Variants in DIP2B observed in about 807,000 individuals in gnomAD.
DIP2B encodes the protein DIP2 acetate--CoA ligase B (putative), also known as disco-interacting protein 2 homolog B.
Under a neutral mutation model 198.0 loss-of-function variants are expected in DIP2B, and 76 were observed. The observed-to-expected ratio is 0.38, with a 90% CI of 0.32 to 0.46. The LOEUF (loss-of-function observed/expected upper bound fraction) is 0.46, where lower values mean the gene tolerates loss of function less well. Among genes scored for constraint, DIP2B ranks in the 20% least tolerant of loss-of-function variants. The pLI, the probability that DIP2B is intolerant of heterozygous loss-of-function variation, is 0.99. For missense variants in DIP2B, 1,559 were observed against 1,978.4 expected, an observed-to-expected ratio of 0.79 and a Z score of 4.02; for synonymous variants, 701 against 739.1, an observed-to-expected ratio of 0.95 and a Z score of 0.84.
At chr12:50,569,076 T>C (rs1203476760) in intron 1 of DIP2B, among the ~76,000 whole-genome samples, 1 of 151,718 alleles carries the variant, frequency 6.6e-6, no homozygotes, top group Non-Finnish European at 1.5e-5. Context: ...GCTTTTCCAG[T>C]GGAATTTCTT....
intron 1 of DIP2B, among the ~76,000 whole-genome samples, chr12:50,510,278 T>C (rs1958002715): frequency 6.6e-6 from 1 of 152,246 alleles, no homozygotes; most frequent in Non-Finnish European, 1.5e-5. Context: ...GGAAGAATGA[T>C]TCACCTTATT....
intron 1 of DIP2B, among the ~76,000 whole-genome samples, chr12:50,545,238 T>C (rs901933692): frequency 6.6e-6 from 1 of 152,186 alleles, no homozygotes; most frequent in Non-Finnish European, 1.5e-5. Flanking sequence ...TATACCGATT[T>C]ACAGACCTTT....
At chr12:50,613,342 G>A (rs1959047479) in intron 1 of DIP2B, among the ~76,000 whole-genome samples, 1 of 152,206 alleles carries the variant, frequency 6.6e-6, no homozygotes, top group Non-Finnish European at 1.5e-5. Context: ...GGCAGTGAAT[G>A]AATGTAGAAG....
At chr12:50,529,567 T>C (rs1179431643) in intron 1 of DIP2B, among the ~76,000 whole-genome samples, 1 of 152,164 alleles carries the variant, frequency 6.6e-6, no homozygotes, top group African/African-American at 2.4e-5. Context: ...GCCAGGACAG[T>C]GGTTAGGGCT....
At chr12:50,528,360 G>A (rs1284893315) in intron 1 of DIP2B, among the ~76,000 whole-genome samples, 1 of 151,584 alleles carries the variant, frequency 6.6e-6, no homozygotes, top group African/African-American at 2.4e-5. Context: ...GTATACTTTG[G>A]GAGGCTGAGG....
chr12:50,640,980 A>G, intron 3 of DIP2B, 128 bp downstream of exon 3: 1 of 1,151,298 alleles, frequency 8.7e-7, no homozygotes, highest in Non-Finnish European at 1.2e-6. Context: ...ATATTAACTC[A>G]TTCACCAATC....
At chr12:50,696,618 T>C (rs901335824) in intron 16 of DIP2B, among the ~76,000 whole-genome samples, 3 of 152,218 alleles carry the variant, frequency 2.0e-5, no homozygotes, top group Non-Finnish European at 4.4e-5. Flanking sequence ...AAATGGACTT[T>C]GTTAGTAGTC....
At chr12:50,738,175 A>G (rs1189616484) in intron 35 of DIP2B, among the ~76,000 whole-genome samples, 2 of 152,076 alleles carry the variant, frequency 1.3e-5, no homozygotes, top group South Asian at 2.1e-4. Context: ...CTCCGTCTCT[A>G]CTAAAAATAC....
rs34202995 is a variant in DIP2B, at chr12:50,537,114, A to ATTTTTTTTTTT, written c.100+31891_100+31901dup. ...CAGATTGCTTGTTTATTATTCTCTAATTTTTTTTTTTTTTTTTTTTTTTTT... is the reference window on the plus strand; with the variant it reads ...CAGATTGCTTGTTTATTATTCTCTAATTTTTTTTTTTTTTTTTTTTTTTTTTTTTTTTTTTT... On this transcript the variant is annotated intron_variant, in intron 1 of 37. Transcript: ENST00000301180. Among the ~76,000 whole-genome samples, 109 of 32,200 alleles carry ATTTTTTTTTTT rather than the reference A, an allele frequency of 3.4e-3. 20 individuals carry two copies. Among genetic ancestry groups the ATTTTTTTTTTT allele is most frequent in the East Asian group, 0.013 (6 of 468 alleles). The allele number at this position is 32,200 out of a possible 152,430, so 21.1% of individuals were successfully genotyped here.
At chr12:50,512,571 G>C (rs866346345) in intron 1 of DIP2B, among the ~76,000 whole-genome samples, 1 of 152,218 alleles carries the variant, frequency 6.6e-6, no homozygotes, top group South Asian at 2.1e-4. Context: ...TTTGACATAA[G>C]GTAGTGTTGT....
chr12:50,735,575 C>T (rs1940124601), intron 34 of DIP2B, among the ~76,000 whole-genome samples: 1 of 151,960 alleles, frequency 6.6e-6, no homozygotes. Flanking sequence ...TCAAGGAGAA[C>T]TTGCCTCAGC....
intron 1 of DIP2B, among the ~76,000 whole-genome samples, chr12:50,531,394 G>A (rs536813242): frequency 2.0e-5 from 3 of 152,272 alleles, no homozygotes; most frequent in Admixed American, 6.5e-5. Context: ...GAACTGGAAA[G>A]CACCACCATT....
intron 6 of DIP2B, among the ~76,000 whole-genome samples, chr12:50,674,883 G>C (rs922650791): frequency 6.6e-6 from 1 of 152,184 alleles, no homozygotes; most frequent in Non-Finnish European, 1.5e-5. Context: ...AATAACAGAG[G>C]GCCGGGCACG....
chr12:50,736,904 G>C, intron 34 of DIP2B, 132 bp from the exon 35 acceptor site: 1 of 766,164 alleles, frequency 1.3e-6, no homozygotes, highest in Non-Finnish European at 2.2e-6. Flanking sequence ...CAGGGTAGCT[G>C]CTGTGATGCC....
chr12:50,570,788 A>G (rs1958606003), intron 1 of DIP2B, among the ~76,000 whole-genome samples: 1 of 152,080 alleles, frequency 6.6e-6, no homozygotes, highest in Non-Finnish European at 1.5e-5. Context: ...TAAACAAATA[A>G]TTTTTTTTAC....
At position 50,622,912 on chromosome 12, in the gene DIP2B, A is replaced by AT. The variant is rs761345526; in HGVS notation, c.101-3049dup. ...CAGGCGTGAGCCACCTTGCCCAGCT[A>AT]TTTTTTTTTTTTTTTACCCCATCTA... On this transcript the variant is annotated intron_variant, in intron 1 of 37. Coordinates refer to ENST00000301180, the MANE Select transcript of DIP2B (RefSeq NM_173602.3). Among the ~76,000 whole-genome samples the AT allele has an allele frequency of 6.7e-3, 939 of 140,906 alleles. 7 individuals carry two copies. Among genetic ancestry groups the AT allele is most frequent in the East Asian group, 0.031 (148 of 4,832 alleles). 92.4% of individuals were successfully genotyped at this position (140,906 alleles called of 152,430 possible).
intron 3 of DIP2B, among the ~76,000 whole-genome samples, chr12:50,646,133 A>G (rs552902201): frequency 6.6e-6 from 1 of 151,456 alleles, no homozygotes; most frequent in East Asian, 1.9e-4. Context: ...ATTTTATTTT[A>G]TTTTTTTTGA....
At chr12:50,627,380 C>T (rs1464281909) in intron 2 of DIP2B, among the ~76,000 whole-genome samples, 1 of 152,026 alleles carries the variant, frequency 6.6e-6, no homozygotes, top group Non-Finnish European at 1.5e-5. Flanking sequence ...GTCACCCAGG[C>T]GGGAGCGCAG....
intron 1 of DIP2B, among the ~76,000 whole-genome samples, chr12:50,544,433 A>G (rs1958357510): frequency 6.6e-6 from 1 of 151,984 alleles, no homozygotes; most frequent in Non-Finnish European, 1.5e-5. Context: ...CAGCCACCCA[A>G]ATAGCTGGGA....
Sources: gnomAD v4.1 joint callset for allele counts (sites outside exome capture counted in the v4.1 genomes callset) on GRCh38, gnomAD v4.1.1 for gene constraint, MANE v1.5 for transcripts, NCBI Gene and HGNC (gene_info 2026-07-23, HGNC 2026-07-21) for gene names.